The following ADNP variants were observed in gnomAD, a reference collection of about 807,000 sequenced individuals.
ADNP encodes the protein activity dependent neuroprotector homeobox.
In ADNP, 4 loss-of-function variants were observed where a neutral mutation model predicts 84.9. The observed-to-expected ratio is 0.05, with a 90% confidence interval of 0.02 to 0.11. The LOEUF is 0.11. ADNP is among the 10% of genes least tolerant of loss of function. ADNP has a pLI of 1.00. For missense variants in ADNP, 1,132 were observed against 1,326.0 expected, an observed-to-expected ratio of 0.85 and a Z score of 2.27; for synonymous variants, 554 against 468.1, an observed-to-expected ratio of 1.18 and a Z score of -2.37.
rs143327143 is a variant in ADNP at position 50,892,371 on chromosome 20, G to C, written c.2343C>G (p.Pro781=). 6.2e-7 allele frequency: 1 copy of C among 1,614,142 alleles called. No individual in the cohort carries two copies. Among genetic ancestry groups the C allele is most frequent in the Non-Finnish European group, 8.5e-7 (1 of 1,180,038 alleles). Residue 781 remains proline (P), a synonymous_variant, in exon 6 of 6, where the codon CCC becomes CCG. Transcript: ENST00000621696. ...LTKYFNKQPY[P]TRREIEKLAA... The stretch of plus-strand genomic sequence containing the variant: ...CTAGCTTCTCAATTTCTCTCCTGGT[G>C]GGATAGGGCTGTTTGTTGAAATACT...
At position 50,928,437 on chromosome 20, in the gene ADNP, G is replaced by A. The variant is rs190463242; in HGVS notation, c.-90+214C>T. Among the ~76,000 whole-genome samples the A allele has an allele frequency of 4.6e-5, 7 of 152,228 alleles. No individual in the cohort carries two copies. The East Asian group carries it at 1.2e-3, about 25-fold the overall frequency. The stretch of plus-strand genomic sequence containing the variant: ...TAGAATGCAAATGATTACAATATTA[G>A]CATCTGTAAAAATTTCTCTTAAAAA... On this transcript the variant is annotated intron_variant, in intron 2 of 5. Coordinates refer to ENST00000621696, the MANE Select transcript of ADNP (RefSeq NM_001282531.3).
chr20:50,900,906 G>C (rs1432528046), intron 5 of ADNP, among the ~76,000 whole-genome samples: 3 of 152,156 alleles, frequency 2.0e-5, no homozygotes, highest in Non-Finnish European at 4.4e-5. Flanking sequence ...CACTTCAAAA[G>C]AGCTAATGAA....
At chr20:50,898,482 T>C (rs1981635568) in intron 5 of ADNP, among the ~76,000 whole-genome samples, 1 of 152,258 alleles carries the variant, frequency 6.6e-6, no homozygotes, top group South Asian at 2.1e-4. Context: ...TCTTGAATTT[T>C]TGTTAGTCTC....
rs1328074242 is a variant in ADNP, at chr20:50,889,521, CTGT to C, written c.*1881_*1883del. The C allele has an allele frequency of 9.9e-6, 2 of 201,544 alleles. No homozygotes were observed. The highest frequency in any genetic ancestry group is 2.0e-5 in the Non-Finnish European group (2 of 100,816). 12.5% of individuals were successfully genotyped at this position (201,544 alleles called of 1,614,324 possible). A position where few individuals can be genotyped will look rare whatever the true frequency, so the allele number is the denominator to read the frequency against. On this transcript the variant is annotated 3_prime_UTR_variant, in exon 6 of 6. Transcript: ENST00000621696. ...GTCTACTCTTGCACTTCTTCCTGTACTGTTGTTGAGAAGCTTACATTTTAGGGA... is the reference window on the plus strand; with the variant it reads ...GTCTACTCTTGCACTTCTTCCTGTACTGTTGAGAAGCTTACATTTTAGGGA...
intron 2 of ADNP, chr20:50,914,426 A>G (rs1983339999): frequency 2.0e-6 from 1 of 491,590 alleles, no homozygotes; most frequent in Non-Finnish European, 3.8e-6. Flanking sequence ...CTTACTTTCT[A>G]TGTTGTGATG....
chr20:50,908,706 A>G (rs1982737099), intron 2 of ADNP, among the ~76,000 whole-genome samples: 1 of 152,078 alleles, frequency 6.6e-6, no homozygotes, highest in Non-Finnish European at 1.5e-5. Context: ...CCCAGGAGGC[A>G]GAGCTTGCAG....
intron 2 of ADNP, among the ~76,000 whole-genome samples, chr20:50,907,598 C>A (rs1045187366): frequency 7.7e-5 from 11 of 142,798 alleles, no homozygotes; most frequent in African/African-American, 2.6e-4. Flanking sequence ...CTCACGTTAA[C>A]GCCTGGCCAG....
In ADNP at chr20:50,890,048, CATT is replaced by C; in HGVS notation, c.*1354_*1356del. Reference sequence around the variant, plus strand: ...TCCATGTTTACATTTTTTTTTTTATCATTGAGACATTTACATATATATGCAGGC... The same window carrying C: ...TCCATGTTTACATTTTTTTTTTTATCGAGACATTTACATATATATGCAGGC... On this transcript the variant is annotated 3_prime_UTR_variant, in exon 6 of 6. Coordinates refer to ENST00000621696, the MANE Select transcript of ADNP (RefSeq NM_001282531.3). 3.9e-6 allele frequency: 1 copy of C among 255,870 alleles called. No individual in the cohort carries two copies. The highest frequency in any genetic ancestry group is 6.1e-5 in the East Asian group (1 of 16,308). 15.8% of individuals were successfully genotyped at this position (255,870 alleles called of 1,614,324 possible). A position where few individuals can be genotyped will look rare whatever the true frequency, so the allele number is the denominator to read the frequency against.
intron 5 of ADNP, among the ~76,000 whole-genome samples, chr20:50,900,363 A>G (rs1981848159): frequency 6.6e-6 from 1 of 152,216 alleles, no homozygotes; most frequent in South Asian, 2.1e-4. Flanking sequence ...GGTCTGTGTA[A>G]GTACCCTTTA....
rs546813939 is a variant in ADNP at position 50,892,468 on chromosome 20, G to A, written c.2246C>T (p.Pro749Leu). The change falls in exon 6 of 6, where the codon CCT becomes CTT. Residue 749 changes from proline to leucine, a missense_variant. By Grantham distance (98) the Pro-to-Leu change is moderately conservative. Transcript: ENST00000621696. Reference protein sequence around the residue: ...PSFFEEKPEEPVVLALDPKGH... With the variant: ...PSFFEEKPEELVVLALDPKGH... ...CTTGGGGTCTAAAGCTAAAACAACA[G>A]GCTCTTCAGGCTTCTCTTCAAAGAA... 3 of 1,614,112 alleles carry A rather than the reference G, an allele frequency of 1.9e-6. No homozygotes were observed. Among genetic ancestry groups the A allele is most frequent in the South Asian group, 2.2e-5 (2 of 91,082 alleles).
intron 2 of ADNP, among the ~76,000 whole-genome samples, chr20:50,913,051 G>A (rs746375359): frequency 9.9e-5 from 15 of 151,710 alleles, no homozygotes; most frequent in Non-Finnish European, 1.6e-4. Flanking sequence ...AGGAATTCAC[G>A]ACCAGCCTGG....
Position 50,903,899 on chromosome 20 carries a change from T to C in ADNP, c.98A>G (p.Glu33Gly), listed in dbSNP as rs1982225871. The C allele has an allele frequency of 1.9e-6, 3 of 1,612,010 alleles. No individual in the cohort carries two copies. The highest frequency in any genetic ancestry group is 2.5e-6 in the Non-Finnish European group (3 of 1,178,364). ...LSDIGLEYCK[E>G]HIEDFKQFEP... ...TGACATGCTACTTACTTCTATATGTTCTTTACAGTATTCCAACCCAATGTC... is the reference window on the plus strand; with the variant it reads ...TGACATGCTACTTACTTCTATATGTCCTTTACAGTATTCCAACCCAATGTC... Residue 33 changes from glutamate (E) to glycine (G), a missense_variant, in exon 4 of 6, where the codon GAA (glutamate) becomes GGA (glycine). By Grantham distance (98) the Glu-to-Gly change is moderately conservative. Around this residue, in one of 10 missense-constraint regions of ADNP, gnomAD observed 56 missense variants for 94.6 expected, o/e 0.59. Transcript: ENST00000621696.
At chr20:50,904,028 A>C in intron 3 of ADNP, 27 bp from the exon 4 acceptor site, 1 of 1,524,524 alleles carries the variant, frequency 6.6e-7, no homozygotes. Flanking sequence ...TTTAAGTCAA[A>C]GTCAAAACAC....
intron 2 of ADNP, among the ~76,000 whole-genome samples, chr20:50,912,447 G>A (rs1237994010): frequency 6.6e-6 from 1 of 152,046 alleles, no homozygotes; most frequent in Non-Finnish European, 1.5e-5. Context: ...ACTGCGCCTA[G>A]CTTCAAACTT....
At chr20:50,927,541 T>C (rs908688592) in intron 2 of ADNP, among the ~76,000 whole-genome samples, 12 of 150,094 alleles carry the variant, frequency 8.0e-5, no homozygotes, top group African/African-American at 3.0e-4. Flanking sequence ...AATTCCAGTC[T>C]TCAAGCCCAA....
chr20:50,919,208 C>A (rs1320329902), intron 2 of ADNP, among the ~76,000 whole-genome samples: 1 of 151,268 alleles, frequency 6.6e-6, no homozygotes, highest in Non-Finnish European at 1.5e-5. Flanking sequence ...CTCACAGCTC[C>A]CAGCACTTTG....
chr20:50,929,459 AGT>A (rs1327841128), intron 1 of ADNP, among the ~76,000 whole-genome samples: 1 of 152,194 alleles, frequency 6.6e-6, no homozygotes, highest in African/African-American at 2.4e-5. Flanking sequence ...TAAGAGTGCG[AGT>A]GTGTCTTGCT....
Position 50,928,965 on chromosome 20 carries a change from T to A in ADNP, c.-264-140A>T, listed in dbSNP as rs548215841. The stretch of plus-strand genomic sequence containing the variant: ...ATGAATGGCAATTACAAGTCCAAAT[T>A]TGGAGGGAAACGAAATTTTTACAAT... On this transcript the variant is annotated intron_variant, in intron 1 of 5. Transcript: ENST00000621696. The A allele has an allele frequency of 2.6e-5, 4 of 152,238 alleles. No individual in the cohort carries two copies. In the East Asian group the frequency reaches 5.8e-4, roughly 22 times the overall value. 9.4% of individuals were successfully genotyped at this position (152,238 alleles called of 1,614,324 possible).
chr20:50,917,765 A>G (rs1356018088), intron 2 of ADNP, among the ~76,000 whole-genome samples: 1 of 152,200 alleles, frequency 6.6e-6, no homozygotes, highest in African/African-American at 2.4e-5. Context: ...CTCGTGTATC[A>G]ATATTCTCAG....
Sources: gnomAD v4.1 joint callset for allele counts (sites outside exome capture counted in the v4.1 genomes callset) on GRCh38, gnomAD v4.1.1 for gene constraint, gnomAD v4.1.1 regional missense constraint, MANE v1.5 for transcripts, NCBI Gene and HGNC (gene_info 2026-07-23, HGNC 2026-07-21) for gene names.